The following CNTNAP2 variants were observed in gnomAD, a reference collection of about 807,000 sequenced individuals.
CNTNAP2 encodes the protein contactin-associated protein-like 2.
Under a neutral mutation model 155.2 loss-of-function variants are expected in CNTNAP2, and 98 were observed. The ratio of observed to expected loss-of-function variants is 0.63; its 90% CI spans 0.54 to 0.75. The LOEUF (loss-of-function observed/expected upper bound fraction) is 0.75, where lower values mean the gene tolerates loss of function less well. CNTNAP2 is among the 30% of genes least tolerant of loss of function. The pLI is 0.00. For synonymous variants in CNTNAP2, 651 were observed against 631.2 expected (o/e 1.03, Z -0.47); for missense variants, 1,727 against 1,688.1 (o/e 1.02, Z -0.40).
chr7:146,897,520 CAGG>C (rs1194650487), intron 3 of CNTNAP2, among the ~76,000 whole-genome samples: 1 of 152,048 alleles, frequency 6.6e-6, no homozygotes, highest in Non-Finnish European at 1.5e-5. Context: ...TAGAATCCAA[CAGG>C]CAATCCAGCT....
At chr7:146,155,546 C>A (rs1437784093) in intron 1 of CNTNAP2, among the ~76,000 whole-genome samples, 3 of 151,708 alleles carry the variant, frequency 2.0e-5, no homozygotes, top group African/African-American at 7.3e-5. Flanking sequence ...GAGGCTTGGG[C>A]ACATTTGCAG....
chr7:148,286,243 T>C (rs1019605193), intron 21 of CNTNAP2, among the ~76,000 whole-genome samples: 11 of 152,174 alleles, frequency 7.2e-5, no homozygotes, highest in Admixed American at 3.9e-4. Context: ...TGTGTATTTA[T>C]TTGATGCTTC....
intron 8 of CNTNAP2, among the ~76,000 whole-genome samples, chr7:147,218,266 G>T (rs1330830693): frequency 6.6e-6 from 1 of 151,560 alleles, no homozygotes; most frequent in African/African-American, 2.4e-5. Context: ...TCTAACAGAT[G>T]CTTTCAATAC....
At chr7:146,784,768 G>A (rs976412033) in intron 2 of CNTNAP2, among the ~76,000 whole-genome samples, 4 of 152,070 alleles carry the variant, frequency 2.6e-5, no homozygotes, top group African/African-American at 9.7e-5. Flanking sequence ...ATCTTACTGG[G>A]CTCTTACAGA....
chr7:148,007,263 C>T (rs377627455), intron 15 of CNTNAP2, among the ~76,000 whole-genome samples: 14 of 151,952 alleles, frequency 9.2e-5, no homozygotes, highest in East Asian at 2.0e-4. Context: ...TGTAGGACTT[C>T]GTTGTACTTG....
intron 12 of CNTNAP2, among the ~76,000 whole-genome samples, chr7:147,601,787 G>A (rs1002117546): frequency 8.0e-5 from 12 of 150,506 alleles, no homozygotes; most frequent in African/African-American, 2.0e-4. Flanking sequence ...ATGTACAATC[G>A]GATTGAATTG....
intron 1 of CNTNAP2, among the ~76,000 whole-genome samples, chr7:146,156,672 G>A (rs573360762): frequency 5.3e-5 from 8 of 151,686 alleles, no homozygotes; most frequent in East Asian, 3.9e-4. Context: ...GCACAATTTC[G>A]GCTCACTATA....
chr7:146,737,582 A>G (rs1801642609), intron 1 of CNTNAP2, among the ~76,000 whole-genome samples: 1 of 152,122 alleles, frequency 6.6e-6, no homozygotes, highest in Non-Finnish European at 1.5e-5. Flanking sequence ...GTACCTTATT[A>G]TACGCTTATA....
chr7:147,030,616 T>C (rs1177086065), intron 3 of CNTNAP2, among the ~76,000 whole-genome samples: 1 of 152,222 alleles, frequency 6.6e-6, no homozygotes, highest in Non-Finnish European at 1.5e-5. Flanking sequence ...TTTATACTTT[T>C]ATATCAATTT....
chr7:148,185,808 TA>T (rs2116709643), intron 18 of CNTNAP2, among the ~76,000 whole-genome samples: 1 of 152,358 alleles, frequency 6.6e-6, no homozygotes, highest in African/African-American at 2.4e-5. Flanking sequence ...GTTAAAAATA[TA>T]AATTAAGTCA....
At chr7:147,865,746 T>C (rs1799215855) in intron 13 of CNTNAP2, among the ~76,000 whole-genome samples, 1 of 152,180 alleles carries the variant, frequency 6.6e-6, no homozygotes, top group Non-Finnish European at 1.5e-5. Context: ...TAATGATAGT[T>C]TTTATTTCTG....
chr7:146,509,223 T>G (rs1049604685), intron 1 of CNTNAP2, among the ~76,000 whole-genome samples: 1 of 152,238 alleles, frequency 6.6e-6, no homozygotes, highest in Non-Finnish European at 1.5e-5. Flanking sequence ...GGTATTTCTC[T>G]GGCATAGTCC....
intron 3 of CNTNAP2, among the ~76,000 whole-genome samples, chr7:146,854,572 T>C (rs1794940010): frequency 1.5e-5 from 1 of 68,584 alleles, no homozygotes; most frequent in Admixed American, 1.3e-4. Context: ...CAAAGGGTCT[T>C]TAAGAGCCTA....
At chr7:148,380,314 A>C (rs1401214897) in intron 21 of CNTNAP2, among the ~76,000 whole-genome samples, 1 of 152,238 alleles carries the variant, frequency 6.6e-6, no homozygotes, top group African/African-American at 2.4e-5. Flanking sequence ...AGTGATAGCT[A>C]TACTGTCATT....
At chr7:146,441,104 G>A (rs1796314366) in intron 1 of CNTNAP2, among the ~76,000 whole-genome samples, 1 of 151,514 alleles carries the variant, frequency 6.6e-6, no homozygotes, top group African/African-American at 2.5e-5. Context: ...GATGAACGAG[G>A]TGATCAGAGG....
chr7:146,606,272 G>A (rs1799045353), intron 1 of CNTNAP2, among the ~76,000 whole-genome samples: 2 of 152,094 alleles, frequency 1.3e-5, no homozygotes, highest in African/African-American at 2.4e-5. Flanking sequence ...GTATGCTTGA[G>A]CATTATAGAT....
chr7:146,136,116 TAAA>T (rs2116746705), intron 1 of CNTNAP2, among the ~76,000 whole-genome samples: 1 of 152,268 alleles, frequency 6.6e-6, no homozygotes, highest in African/African-American at 2.4e-5. Context: ...TTTCTACTAA[TAAA>T]AAGCATTTCC....
chr7:147,178,998 G>T (rs1802405127), intron 8 of CNTNAP2, among the ~76,000 whole-genome samples: 1 of 152,118 alleles, frequency 6.6e-6, no homozygotes, highest in Admixed American at 6.6e-5. Context: ...GGGTGCTGGA[G>T]TTCAGGGGCT....
intron 9 of CNTNAP2, among the ~76,000 whole-genome samples, chr7:147,336,063 C>A (rs1448440833): frequency 6.6e-6 from 1 of 152,018 alleles, no homozygotes; most frequent in Non-Finnish European, 1.5e-5. Context: ...TAGGTAGAGT[C>A]AAAGAGAATA....
Sources: gnomAD v4.1 joint callset for allele counts (sites outside exome capture counted in the v4.1 genomes callset) on GRCh38, gnomAD v4.1.1 for gene constraint, MANE v1.5 for transcripts, NCBI Gene and HGNC (gene_info 2026-07-23, HGNC 2026-07-21) for gene names.